Variants in EVI5 observed in about 807,000 individuals in gnomAD.
EVI5 encodes ecotropic viral integration site 5 protein homolog.
EVI5 carries 73 observed loss-of-function variants against 112.0 expected under a neutral mutation model. The ratio of observed to expected loss-of-function variants is 0.65; its 90% CI spans 0.54 to 0.79. The LOEUF (loss-of-function observed/expected upper bound fraction) is 0.79, where lower values mean the gene tolerates loss of function less well. Ranked by LOEUF, EVI5 falls within the 30% of genes least tolerant of loss-of-function variation. EVI5 has a pLI of 0.00. For missense variants in EVI5, 900 were observed against 968.8 expected, an observed-to-expected ratio of 0.93 and a Z score of 0.94; for synonymous variants, 305 against 319.9, an observed-to-expected ratio of 0.95 and a Z score of 0.50.
chr1:92,522,631 C>CAAAAAAAAAAAA (rs61277173), intron 19 of EVI5, among the ~76,000 whole-genome samples: 2 of 70,508 alleles, frequency 2.8e-5, no homozygotes, highest in East Asian at 5.0e-4. Context: ...ACTCCATCTC[C>CAAAAAAAAAAAA]AAAAAAAAAA....
At chr1:92,765,218 T>TC (rs918249916) in intron 1 of EVI5, among the ~76,000 whole-genome samples, 1 of 146,020 alleles carries the variant, frequency 6.8e-6, no homozygotes, top group African/African-American at 2.5e-5. Context: ...TTCCTTCCTT[T>TC]TTTTTTTTTT....
chr1:92,708,069 TA>T (rs1672281280), intron 2 of EVI5, among the ~76,000 whole-genome samples: 1 of 152,014 alleles, frequency 6.6e-6, no homozygotes, highest in African/African-American at 2.4e-5. Flanking sequence ...AATACAGGAA[TA>T]AATCTTCATG....
intron 2 of EVI5, among the ~76,000 whole-genome samples, chr1:92,720,378 T>C (rs1045329265): frequency 6.6e-6 from 1 of 151,954 alleles, no homozygotes; most frequent in African/African-American, 2.4e-5. Flanking sequence ...ACCGCACATC[T>C]ACAACCATCT....
rs778589620 is a variant in EVI5, at chr1:92,636,253, C to G, written c.1476G>C (p.Glu492Asp). Residue 492 changes from glutamate to aspartate, a missense_variant, in exon 14 of 20, where the codon GAG (glutamate) becomes GAC (aspartate). By Grantham distance (45) the Glu-to-Asp change is conservative. Coordinates refer to ENST00000684568, the MANE Select transcript of EVI5 (RefSeq NM_001350197.2). ...GCATCTCTTTTAATGCACACTGAGA[C>G]TCAGCTTCACTCAGTCGGGCTTGGA... The part of the protein sequence containing the change: ...ELVQARLSEA[E>D]SQCALKEMQD... 7 of 1,613,624 alleles carry G rather than the reference C, an allele frequency of 4.3e-6. No homozygotes were observed. The South Asian group carries it at 7.7e-5, about 18-fold the overall frequency.
chr1:92,670,350 C>CCCCAACAATTGTT (rs1275926233), intron 10 of EVI5, among the ~76,000 whole-genome samples: 1 of 152,198 alleles, frequency 6.6e-6, no homozygotes, highest in African/African-American at 2.4e-5. Context: ...AGTAACCCAA[C>CCCCAACAATTGTT]CCCAACAATT....
chr1:92,710,695 C>G (rs1672709226), intron 2 of EVI5, among the ~76,000 whole-genome samples: 1 of 151,576 alleles, frequency 6.6e-6, no homozygotes, highest in African/African-American at 2.4e-5. Context: ...TAGAGTAGCT[C>G]CTGATCCAAG....
chr1:92,548,703 C>T (rs1442963948), intron 19 of EVI5, among the ~76,000 whole-genome samples: 1 of 152,098 alleles, frequency 6.6e-6, no homozygotes, highest in Non-Finnish European at 1.5e-5. Flanking sequence ...ACACCAATAA[C>T]AGACAAACAG....
At chr1:92,674,620 G>T (rs1666413997) in intron 10 of EVI5, among the ~76,000 whole-genome samples, 1 of 151,562 alleles carries the variant, frequency 6.6e-6, no homozygotes, top group African/African-American at 2.4e-5. Flanking sequence ...AACCACCATG[G>T]CACGTGTATA....
At chr1:92,772,425 A>G (rs761715473) in intron 1 of EVI5, among the ~76,000 whole-genome samples, 5 of 151,286 alleles carry the variant, frequency 3.3e-5, no homozygotes, top group African/African-American at 1.2e-4. Context: ...TGAAACCCTG[A>G]TTCTACTAAA....
chr1:92,581,701 A>AAC (rs1409434999), intron 18 of EVI5, among the ~76,000 whole-genome samples: 9 of 152,030 alleles, frequency 5.9e-5, no homozygotes, highest in African/African-American at 2.2e-4. Flanking sequence ...CTTAAAAAAA[A>AAC]AAAAACTATT....
chr1:92,744,834 C>T (rs1558189674), intron 1 of EVI5, among the ~76,000 whole-genome samples: 1 of 151,994 alleles, frequency 6.6e-6, no homozygotes, highest in Non-Finnish European at 1.5e-5. Flanking sequence ...AGCTGAAGTC[C>T]GTAAGTAAAA....
intron 19 of EVI5, among the ~76,000 whole-genome samples, chr1:92,563,326 T>C (rs1432389276): frequency 6.6e-6 from 1 of 152,116 alleles, no homozygotes; most frequent in Non-Finnish European, 1.5e-5. Context: ...AAATTTTAGT[T>C]TAGTTAAAGT....
At chr1:92,618,184 G>A (rs554530094) in intron 16 of EVI5, among the ~76,000 whole-genome samples, 14 of 152,092 alleles carry the variant, frequency 9.2e-5, no homozygotes, top group Non-Finnish European at 1.9e-4. Context: ...CACGATTCAC[G>A]GGTCCAGGAA....
intron 1 of EVI5, among the ~76,000 whole-genome samples, chr1:92,747,812 T>C (rs1679539415): frequency 6.6e-6 from 1 of 151,268 alleles, no homozygotes; most frequent in South Asian, 2.1e-4. Flanking sequence ...AGGGTCATTC[T>C]CCCTCTAAAA....
At chr1:92,683,676 T>C (rs1298442061) in intron 9 of EVI5, among the ~76,000 whole-genome samples, 1 of 152,122 alleles carries the variant, frequency 6.6e-6, no homozygotes, top group Non-Finnish European at 1.5e-5. Context: ...GGTTAGATGA[T>C]TGGCTAACTA....
chr1:92,769,377 T>C (rs946857347), intron 1 of EVI5, among the ~76,000 whole-genome samples: 3 of 152,166 alleles, frequency 2.0e-5, no homozygotes, highest in Admixed American at 6.5e-5. Flanking sequence ...AATTAGAAAA[T>C]TTTACATATT....
At chr1:92,569,418 A>T (rs1669969421) in intron 18 of EVI5, among the ~76,000 whole-genome samples, 1 of 152,196 alleles carries the variant, frequency 6.6e-6, no homozygotes, top group Admixed American at 6.5e-5. Flanking sequence ...GGGAACTACA[A>T]TATATAAAGA....
At chr1:92,573,458 T>A (rs1670606296) in intron 18 of EVI5, among the ~76,000 whole-genome samples, 1 of 152,074 alleles carries the variant, frequency 6.6e-6, no homozygotes, top group South Asian at 2.1e-4. Context: ...TTTAATCTCA[T>A]TACAGATTTT....
At chr1:92,595,845 T>C (rs986214572) in intron 18 of EVI5, among the ~76,000 whole-genome samples, 3 of 152,218 alleles carry the variant, frequency 2.0e-5, no homozygotes, top group Admixed American at 6.5e-5. Flanking sequence ...AGGGAACTAA[T>C]AGTAACTTTA....
Sources: allele counts gnomAD v4.1 joint callset (sites outside exome capture counted in the v4.1 genomes callset), GRCh38; gene constraint gnomAD v4.1.1; transcripts MANE v1.5; gene names NCBI Gene and HGNC (gene_info 2026-07-23, HGNC 2026-07-21).